The following OR2A5 variants were observed in gnomAD, a reference collection of about 807,000 sequenced individuals.
OR2A5 encodes olfactory receptor family 2 subfamily A member 5.
Under a neutral mutation model 1.9 loss-of-function variants are expected in OR2A5, and 2 were observed. The observed-to-expected ratio is 1.04, with a 90% CI of 0.43 to 3.28. The LOEUF (loss-of-function observed/expected upper bound fraction) is 3.28, where lower values mean the gene tolerates loss of function less well. Ranked by LOEUF, OR2A5 falls within the 30% of genes most tolerant of loss-of-function variation. The probability of loss-of-function intolerance (pLI) is 0.08; values close to 1 mark genes in which losing one functional copy is unlikely to be tolerated. For synonymous variants in OR2A5, 160 were observed against 154.5 expected, an observed-to-expected ratio of 1.04 and a Z score of -0.26; for missense variants, 391 against 375.9, an observed-to-expected ratio of 1.04 and a Z score of -0.33.
Position 144,055,697 on chromosome 7 carries a change from T to G in OR2A5, c.*4360T>G, listed in dbSNP as rs1399483433. ...TTCTAGATATACATGGTTTCACATT[T>G]TAAAATATTAGCCTGATATTCAGTG... On this transcript the variant is annotated 3_prime_UTR_variant, in exon 2 of 2. Transcript: ENST00000641693. 2 of 152,188 alleles carry G rather than the reference T, an allele frequency of 1.3e-5. No homozygotes were observed. The highest frequency in any genetic ancestry group is 4.8e-5 in the African/African-American group (2 of 41,440). 9.4% of individuals were successfully genotyped at this position (152,188 alleles called of 1,614,324 possible).
In OR2A5 at chr7:144,050,914, C is replaced by G. The variant is rs750376642; in HGVS notation, c.513C>G (p.Pro171=). The G allele has an allele frequency of 1.9e-6, 3 of 1,614,200 alleles. No individual in the cohort carries two copies. In the East Asian group the frequency reaches 6.7e-5, roughly 36 times the overall value. The change falls in exon 2 of 2, where the codon CCC becomes CCG. Residue 171 remains proline (P), a synonymous_variant. Coordinates refer to ENST00000641693, the MANE Select transcript of OR2A5 (RefSeq NM_012365.2). ...TCCTGAGGCTGCCCTTCTGTGGGCC[C>G]CATGAAATCAACCACTTCTTCTGTG... ...VLILRLPFCG[P]HEINHFFCEI...
In OR2A5 at chr7:144,051,677, T is replaced by C. The variant is rs2050908320; in HGVS notation, c.*340T>C. The C allele has an allele frequency of 7.7e-6, 2 of 259,026 alleles. No homozygotes were observed. Among genetic ancestry groups the C allele is most frequent in the African/African-American group, 2.2e-5 (1 of 45,092 alleles). The allele number at this position is 259,026 out of a possible 1,614,324, so 16.0% of individuals were successfully genotyped here. A position where few individuals can be genotyped will look rare whatever the true frequency, so the allele number is the denominator to read the frequency against. On this transcript the variant is annotated 3_prime_UTR_variant, in exon 2 of 2. Transcript: ENST00000641693. The stretch of plus-strand genomic sequence containing the variant: ...TCCATCTCTTTTTGCCATAAGTATA[T>C]GCTGGTAATCCCATACCATATGCTA...
In OR2A5 at chr7:144,054,313, A is replaced by G. The variant is rs1044028071; in HGVS notation, c.*2976A>G. On this transcript the variant is annotated 3_prime_UTR_variant, in exon 2 of 2. Transcript: ENST00000641693. ...CAGCTAGGTGCCTTATATAACTTTTATGAATGCTAAATGAAAGACTTTATG... is the reference window on the plus strand; with the variant it reads ...CAGCTAGGTGCCTTATATAACTTTTGTGAATGCTAAATGAAAGACTTTATG... The G allele has an allele frequency of 6.6e-6, 1 of 152,218 alleles. No individual in the cohort carries two copies. The highest frequency in any genetic ancestry group is 1.5e-5 in the Non-Finnish European group (1 of 68,032). The allele number at this position is 152,218 out of a possible 1,614,324, so 9.4% of individuals were successfully genotyped here. A position where few individuals can be genotyped will look rare whatever the true frequency, so the allele number is the denominator to read the frequency against.
rs531767603 is a variant in OR2A5, at chr7:144,054,362, T to G, written c.*3025T>G. On this transcript the variant is annotated 3_prime_UTR_variant, in exon 2 of 2. Transcript: ENST00000641693. ...TGTGACTCTGATTTGAAGTGATGTA[T>G]TTTTGTGAGAAGGATATAAGGACAA... is the stretch of plus-strand genomic sequence containing the variant. The G allele has an allele frequency of 3.9e-5, 6 of 152,322 alleles. No homozygotes were observed. Among genetic ancestry groups the G allele is most frequent in the African/African-American group, 1.4e-4 (6 of 41,582 alleles). 9.4% of individuals were successfully genotyped at this position (152,322 alleles called of 1,614,324 possible).
intron 1 of OR2A5, among the ~76,000 whole-genome samples, chr7:144,049,754 A>G (rs1056782554): frequency 6.6e-6 from 1 of 152,256 alleles, no homozygotes; most frequent in African/African-American, 2.4e-5. Flanking sequence ...GGAAACAGCC[A>G]GATTTTCCTG....
Position 144,053,753 on chromosome 7 carries a change from G to T in OR2A5, c.*2416G>T, listed in dbSNP as rs1234737470. 1.1e-4 allele frequency: 16 copies of T among 152,188 alleles called. No homozygotes were observed. The highest frequency in any genetic ancestry group is 1.0e-3 in the Admixed American group (16 of 15,266). The allele number at this position is 152,188 out of a possible 1,614,324, so 9.4% of individuals were successfully genotyped here. On this transcript the variant is annotated 3_prime_UTR_variant, in exon 2 of 2. Transcript: ENST00000641693. ...CGGAGTTTACAGTATTATAGCCAAA[G>T]TCTTAACACCAGAAAGAATACATCC...
In OR2A5 at chr7:144,051,169, T is replaced by C; in HGVS notation, c.768T>C (p.Ile256=). The C allele has an allele frequency of 6.2e-7, 1 of 1,614,178 alleles. No individual in the cohort carries two copies. The highest frequency in any genetic ancestry group is 8.5e-7 in the Non-Finnish European group (1 of 1,180,032). The change falls in exon 2 of 2, where the codon ATT becomes ATC. Residue 256 remains isoleucine (I), a synonymous_variant. Transcript: ENST00000641693. ...CMVGLFFGSA[I]VMYMAPKSRH... ...TGGGACTCTTCTTTGGCAGCGCCATTGTCATGTACATGGCCCCCAAGTCCC... is the reference window on the plus strand; with the variant it reads ...TGGGACTCTTCTTTGGCAGCGCCATCGTCATGTACATGGCCCCCAAGTCCC...
At position 144,051,545 on chromosome 7, in the gene OR2A5, A is replaced by T. The variant is rs1262213963; in HGVS notation, c.*208A>T. On this transcript the variant is annotated 3_prime_UTR_variant, in exon 2 of 2. Transcript: ENST00000641693. ...GAGCCGTGTGGTGCAGCAGAGGTGCAAAGTGCCATGAACTCCTACTCCCAG... is the reference window on the plus strand; with the variant it reads ...GAGCCGTGTGGTGCAGCAGAGGTGCTAAGTGCCATGAACTCCTACTCCCAG... The T allele has an allele frequency of 1.9e-6, 1 of 532,712 alleles. No homozygotes were observed. The highest frequency in any genetic ancestry group is 1.9e-5 in the African/African-American group (1 of 52,778). The allele number at this position is 532,712 out of a possible 1,614,324, so 33.0% of individuals were successfully genotyped here.
At chr7:144,049,648 C>T (rs1300685473) in intron 1 of OR2A5, among the ~76,000 whole-genome samples, 1 of 152,222 alleles carries the variant, frequency 6.6e-6, no homozygotes, top group Non-Finnish European at 1.5e-5. Context: ...TAACTCTTCA[C>T]ATAGATAACC....
At position 144,051,441 on chromosome 7, in the gene OR2A5, T is replaced by A. The variant is rs2050906399; in HGVS notation, c.*104T>A. 3.4e-6 allele frequency: 3 copies of A among 883,378 alleles called. No homozygotes were observed. The highest frequency in any genetic ancestry group is 5.2e-6 in the Non-Finnish European group (3 of 578,166). 54.7% of individuals were successfully genotyped at this position (883,378 alleles called of 1,614,324 possible). On this transcript the variant is annotated 3_prime_UTR_variant, in exon 2 of 2. Coordinates refer to ENST00000641693, the MANE Select transcript of OR2A5 (RefSeq NM_012365.2). Reference sequence around the variant, plus strand: ...AGTCTCATCTCTTAGATTTCTGATATCAAGAATGTATATTGATTGGATTCT... The same window carrying A: ...AGTCTCATCTCTTAGATTTCTGATAACAAGAATGTATATTGATTGGATTCT...
At position 144,055,183 on chromosome 7, in the gene OR2A5, C is replaced by T. The variant is rs1454212562; in HGVS notation, c.*3846C>T. ...GGCAAACATAGTTGTTTATTGCCTT[C>T]CACAAAGTGGGGAAAAATACCCTAG... On this transcript the variant is annotated 3_prime_UTR_variant, in exon 2 of 2. Transcript: ENST00000641693. The T allele has an allele frequency of 6.6e-6, 1 of 151,888 alleles. No individual in the cohort carries two copies. Among genetic ancestry groups the T allele is most frequent in the Non-Finnish European group, 1.5e-5 (1 of 67,976 alleles). 9.4% of individuals were successfully genotyped at this position (151,888 alleles called of 1,614,324 possible). A position where few individuals can be genotyped will look rare whatever the true frequency, so the allele number is the denominator to read the frequency against.
chr7:144,050,970 C>T lies in OR2A5; in HGVS notation c.569C>T (p.Ala190Val). ...CTGTCTGTCCTCAAGTTGGCCTGTG[C>T]TGACACCTGGCTCAACCAGGTGGTC... ...EILSVLKLAC[A>V]DTWLNQVVIF... Residue 190 changes from alanine to valine, a missense_variant, in exon 2 of 2, where the codon GCT (alanine) becomes GTT (valine). Physicochemically the swap from Ala to Val is moderately conservative, Grantham distance 64 (BLOSUM62 0). Transcript: ENST00000641693. 1.2e-6 allele frequency: 2 copies of T among 1,614,190 alleles called. No homozygotes were observed. Among genetic ancestry groups the T allele is most frequent in the African/African-American group, 1.3e-5 (1 of 75,062 alleles).
chr7:144,053,369 A>G lies in OR2A5; in HGVS notation c.*2032A>G, dbSNP rs2050918397. 6.6e-6 allele frequency: 1 copy of G among 152,168 alleles called. No individual in the cohort carries two copies. The allele number at this position is 152,168 out of a possible 1,614,324, so 9.4% of individuals were successfully genotyped here. A position where few individuals can be genotyped will look rare whatever the true frequency, so the allele number is the denominator to read the frequency against. On this transcript the variant is annotated 3_prime_UTR_variant, in exon 2 of 2. Transcript: ENST00000641693. ...TTGGTGTTATGACCGCTTTATATAT[A>G]CATATTTTCAACATTAATCAGTTTT...
rs1006284422 is a variant in OR2A5 at position 144,051,525 on chromosome 7, G to C, written c.*188G>C. The C allele has an allele frequency of 1.7e-6, 1 of 590,654 alleles. No individual in the cohort carries two copies. Among genetic ancestry groups the C allele is most frequent in the Non-Finnish European group, 2.9e-6 (1 of 339,114 alleles). The allele number at this position is 590,654 out of a possible 1,614,324, so 36.6% of individuals were successfully genotyped here. A position where few individuals can be genotyped will look rare whatever the true frequency, so the allele number is the denominator to read the frequency against. ...AGCACATGCAGACAGGCGCTGAGCCGTGTGGTGCAGCAGAGGTGCAAAGTG... is the reference window on the plus strand; with the variant it reads ...AGCACATGCAGACAGGCGCTGAGCCCTGTGGTGCAGCAGAGGTGCAAAGTG... On this transcript the variant is annotated 3_prime_UTR_variant, in exon 2 of 2. Transcript: ENST00000641693.
Position 144,057,846 on chromosome 7 carries a change from T to C in OR2A5, c.*6509T>C, listed in dbSNP as rs1314884592. On this transcript the variant is annotated 3_prime_UTR_variant, in exon 2 of 2. Transcript: ENST00000641693. ...AATGTAAACAAAATAGCTTTTTATA[T>C]GAAATAATAAAAGCTCTTAGCAGCT... 6.6e-6 allele frequency: 1 copy of C among 152,196 alleles called. No individual in the cohort carries two copies. Among genetic ancestry groups the C allele is most frequent in the African/African-American group, 2.4e-5 (1 of 41,438 alleles). 9.4% of individuals were successfully genotyped at this position (152,196 alleles called of 1,614,324 possible).
chr7:144,054,772 A>G lies in OR2A5; in HGVS notation c.*3435A>G, dbSNP rs1023670183. 1.3e-5 allele frequency: 2 copies of G among 152,240 alleles called. No individual in the cohort carries two copies. The highest frequency in any genetic ancestry group is 4.8e-5 in the African/African-American group (2 of 41,462). 9.4% of individuals were successfully genotyped at this position (152,240 alleles called of 1,614,324 possible). On this transcript the variant is annotated 3_prime_UTR_variant, in exon 2 of 2. Coordinates refer to ENST00000641693, the MANE Select transcript of OR2A5 (RefSeq NM_012365.2). The stretch of plus-strand genomic sequence containing the variant: ...TTGAGATAGCATCCAGATAGGAAAT[A>G]TATACAAAAATAATTAGTCCATAGC...
Position 144,051,438 on chromosome 7 carries a change from A to G in OR2A5, c.*101A>G. On this transcript the variant is annotated 3_prime_UTR_variant, in exon 2 of 2. Transcript: ENST00000641693. ...TACAGTCTCATCTCTTAGATTTCTG[A>G]TATCAAGAATGTATATTGATTGGAT... 1 of 895,700 alleles carries G rather than the reference A, an allele frequency of 1.1e-6. No homozygotes were observed. Among genetic ancestry groups the G allele is most frequent in the Non-Finnish European group, 1.7e-6 (1 of 588,314 alleles). 55.5% of individuals were successfully genotyped at this position (895,700 alleles called of 1,614,324 possible).
rs1261975978 is a variant in OR2A5, at chr7:144,050,390, T to C, written c.-12T>C. The C allele has an allele frequency of 1.0e-5, 15 of 1,453,280 alleles. No homozygotes were observed. Among genetic ancestry groups the C allele is most frequent in the African/African-American group, 1.7e-5 (1 of 60,024 alleles). The allele number at this position is 1,453,280 out of a possible 1,614,324, so 90.0% of individuals were successfully genotyped here. A position where few individuals can be genotyped will look rare whatever the true frequency, so the allele number is the denominator to read the frequency against. On this transcript the variant is annotated 5_prime_UTR_variant, in exon 2 of 2. Coordinates refer to ENST00000641693, the MANE Select transcript of OR2A5 (RefSeq NM_012365.2). The stretch of plus-strand genomic sequence containing the variant: ...CCACAGCAGAGTCCAACGCAGGTAC[T>C]GTCACAAGGGCATGACAAAAAATCA...
In OR2A5 at chr7:144,054,517, A is replaced by C. The variant is rs1348494073; in HGVS notation, c.*3180A>C. 6.6e-6 allele frequency: 1 copy of C among 152,168 alleles called. No individual in the cohort carries two copies. The highest frequency in any genetic ancestry group is 1.5e-5 in the Non-Finnish European group (1 of 68,026). 9.4% of individuals were successfully genotyped at this position (152,168 alleles called of 1,614,324 possible). A position where few individuals can be genotyped will look rare whatever the true frequency, so the allele number is the denominator to read the frequency against. On this transcript the variant is annotated 3_prime_UTR_variant, in exon 2 of 2. Coordinates refer to ENST00000641693, the MANE Select transcript of OR2A5 (RefSeq NM_012365.2). The stretch of plus-strand genomic sequence containing the variant: ...TATTATGATACTTACTGAACAATGG[A>C]AGTTTCTCAAAAAATCTCAGCTCTT...
Sources: gnomAD v4.1 joint callset for allele counts (sites outside exome capture counted in the v4.1 genomes callset) on GRCh38, gnomAD v4.1.1 for gene constraint, MANE v1.5 for transcripts, NCBI Gene and HGNC (gene_info 2026-07-23, HGNC 2026-07-21) for gene names.